TSC22D2: variants seen among roughly 807,000 people sequenced by gnomAD.
TSC22D2 encodes TSC22 domain family member 2.
TSC22D2 carries 5 observed loss-of-function variants against 50.1 expected under a neutral mutation model. The observed-to-expected ratio is 0.10, with a 90% CI of 0.05 to 0.21. TSC22D2 has a LOEUF of 0.21. Ranked by LOEUF, TSC22D2 falls within the 10% of genes least tolerant of loss-of-function variation. TSC22D2 has a pLI of 1.00. For synonymous variants in TSC22D2, 501 were observed against 450.1 expected (o/e 1.11, Z -1.43); for missense variants, 1,003 against 1,015.5 (o/e 0.99, Z 0.17).
chr3:150,452,396 G>A (rs1280719845), intron 1 of TSC22D2, among the ~76,000 whole-genome samples: 2 of 151,780 alleles, frequency 1.3e-5, no homozygotes, highest in Non-Finnish European at 2.9e-5. Context: ...GGTGAGCTGA[G>A]ATCGCGCCAT....
At position 150,409,561 on chromosome 3, in the gene TSC22D2, A is replaced by T. The variant is rs1245099801; in HGVS notation, c.211A>T (p.Thr71Ser). 1 of 1,600,936 alleles carries T rather than the reference A, an allele frequency of 6.2e-7. No homozygotes were observed. The highest frequency in any genetic ancestry group is 2.3e-5 in the East Asian group (1 of 44,400). The change falls in exon 1 of 3, where the codon ACG becomes TCG. Residue 71 changes from threonine to serine, a missense_variant. By Grantham distance (58) the Thr-to-Ser change is moderately conservative (BLOSUM62 1). This residue lies in a region of TSC22D2 where 200 missense variants were observed against 182.8 expected (regional missense o/e 1.09). Coordinates refer to ENST00000688009, the MANE Select transcript of TSC22D2 (RefSeq NM_001303264.2). This position sits in a 1 kb window ranked among gnomAD's most constrained non-coding sequence, Gnocchi z 7.4. Reference protein sequence around the residue: ...EVCERSSSEETLNNVGDAETP... With the variant: ...EVCERSSSEESLNNVGDAETP... ...CTGCGAGCGCAGCTCTTCCGAAGAG[A>T]CGCTTAACAATGTTGGGGATGCGGA...
At chr3:150,417,407 C>G (rs1310431124) in intron 1 of TSC22D2, among the ~76,000 whole-genome samples, 1 of 152,082 alleles carries the variant, frequency 6.6e-6, no homozygotes, top group African/African-American at 2.4e-5. Flanking sequence ...GGCATACCGT[C>G]TACCTAGTCT....
At chr3:150,425,613 A>G (rs544998935) in intron 1 of TSC22D2, among the ~76,000 whole-genome samples, 25 of 152,302 alleles carry the variant, frequency 1.6e-4, no homozygotes, top group African/African-American at 5.3e-4. Context: ...TTGTCTCGCT[A>G]TTACTAGATA....
At chr3:150,458,250 A>G (rs1158317922) in intron 2 of TSC22D2, 126 bp from the exon 3 acceptor site, 1 of 1,010,442 alleles carries the variant, frequency 9.9e-7, no homozygotes, top group Non-Finnish European at 1.4e-6. Flanking sequence ...GGTCAAGATA[A>G]AGCAGAAACA....
intron 1 of TSC22D2, among the ~76,000 whole-genome samples, chr3:150,424,645 T>C (rs768720906): frequency 6.6e-6 from 1 of 152,196 alleles, no homozygotes; most frequent in Non-Finnish European, 1.5e-5. Flanking sequence ...CCTGAAACTT[T>C]TAAGGTATCA....
intron 1 of TSC22D2, among the ~76,000 whole-genome samples, chr3:150,454,030 T>G (rs1248852462): frequency 2.0e-5 from 3 of 152,208 alleles, no homozygotes; most frequent in Non-Finnish European, 2.9e-5. Flanking sequence ...AAAGGTTAAA[T>G]AATTTCCCAG....
intron 1 of TSC22D2, among the ~76,000 whole-genome samples, chr3:150,435,205 C>T (rs1219019983): frequency 1.3e-5 from 2 of 152,070 alleles, no homozygotes; most frequent in Admixed American, 6.6e-5. Flanking sequence ...TCTTGAACTC[C>T]TGACCTCAGG....
chr3:150,417,067 C>T (rs888959545), intron 1 of TSC22D2, among the ~76,000 whole-genome samples: 2 of 152,016 alleles, frequency 1.3e-5, no homozygotes, highest in African/African-American at 2.4e-5. Flanking sequence ...GGGACATATA[C>T]CTATTATTAG....
intron 1 of TSC22D2, among the ~76,000 whole-genome samples, chr3:150,415,687 C>T (rs78390383): frequency 0.039 from 5,940 of 152,134 alleles, 143 homozygotes; most frequent in Middle Eastern, 0.075. Flanking sequence ...TGGAGGCCAA[C>T]ACCTATAGTC....
At chr3:150,429,251 G>C (rs1385557837) in intron 1 of TSC22D2, among the ~76,000 whole-genome samples, 3 of 152,216 alleles carry the variant, frequency 2.0e-5, no homozygotes, top group Middle Eastern at 3.4e-3. Flanking sequence ...AATTGCCATA[G>C]GAGTGGTGGT....
In TSC22D2 at chr3:150,460,678, T is replaced by C. The variant is rs953443261; in HGVS notation, c.*2042T>C. Reference sequence around the variant, plus strand: ...GCTACAGGTGAGATACTTAATGGAATGTGAAACTTCACTGTTGGACTGTTA... The same window carrying C: ...GCTACAGGTGAGATACTTAATGGAACGTGAAACTTCACTGTTGGACTGTTA... On this transcript the variant is annotated 3_prime_UTR_variant, in exon 3 of 3. Transcript: ENST00000688009. 6.6e-6 allele frequency: 1 copy of C among 152,180 alleles called. No individual in the cohort carries two copies. The highest frequency in any genetic ancestry group is 2.4e-5 in the African/African-American group (1 of 41,454). 9.4% of individuals were successfully genotyped at this position (152,180 alleles called of 1,614,324 possible).
chr3:150,411,102 C>T lies in TSC22D2; in HGVS notation c.1752C>T (p.Thr584=). 1 of 1,614,156 alleles carries T rather than the reference C, an allele frequency of 6.2e-7. No individual in the cohort carries two copies. The highest frequency in any genetic ancestry group is 8.5e-7 in the Non-Finnish European group (1 of 1,180,022). The change falls in exon 1 of 3, where the codon ACC becomes ACT. Residue 584 remains threonine (T), a synonymous_variant. Transcript: ENST00000688009. The part of the protein sequence containing the change: ...QSDLSQFQTQ[T]QPLVGQVDDT... ...ACCTAAGCCAGTTTCAAACTCAGAC[C>T]CAGCCTTTAGTCGGGCAAGTCGACG...
At chr3:150,445,994 T>C (rs1312626975) in intron 1 of TSC22D2, among the ~76,000 whole-genome samples, 2 of 150,114 alleles carry the variant, frequency 1.3e-5, no homozygotes, top group Non-Finnish European at 2.9e-5. Context: ...CTCGGGAGGC[T>C]GAGGCAGGAG....
At chr3:150,455,254 GCA>G (rs1333585014) in intron 1 of TSC22D2, among the ~76,000 whole-genome samples, 1 of 152,090 alleles carries the variant, frequency 6.6e-6, no homozygotes. Flanking sequence ...ATGGTATCTG[GCA>G]CTGAAGTATA....
At chr3:150,434,975 T>TTTTA (rs1053012469) in intron 1 of TSC22D2, among the ~76,000 whole-genome samples, 4 of 152,042 alleles carry the variant, frequency 2.6e-5, no homozygotes, top group Admixed American at 6.6e-5. Context: ...ATATGTGTCT[T>TTTTA]TTTATTTATT....
intron 1 of TSC22D2, among the ~76,000 whole-genome samples, chr3:150,425,597 A>G (rs1720154368): frequency 6.6e-6 from 1 of 152,182 alleles, no homozygotes; most frequent in Non-Finnish European, 1.5e-5. Context: ...ATTTTGAGGC[A>G]TAAATTTGTC....
intron 1 of TSC22D2, among the ~76,000 whole-genome samples, chr3:150,424,384 AAATGT>A (rs1217824020): frequency 1.3e-5 from 2 of 152,202 alleles, no homozygotes; most frequent in African/African-American, 4.8e-5. Context: ...CTCTGTTTAG[AAATGT>A]AATAAGAGTA....
intron 1 of TSC22D2, among the ~76,000 whole-genome samples, chr3:150,442,934 A>G (rs538238297): frequency 1.3e-5 from 2 of 152,324 alleles, no homozygotes; most frequent in Non-Finnish European, 2.9e-5. Flanking sequence ...CAGCAAGACT[A>G]TGTGTTATAA....
rs975595478 is a variant in TSC22D2, at chr3:150,464,101, C to T, written c.*5465C>T. On this transcript the variant is annotated 3_prime_UTR_variant, in exon 3 of 3. Transcript: ENST00000688009. ...AAACAAGGCAAATGCCACAGTTCAA[C>T]TTCTCCATAAAAAAGTTAAGTTCAT... 1 of 152,206 alleles carries T rather than the reference C, an allele frequency of 6.6e-6. No individual in the cohort carries two copies. The highest frequency in any genetic ancestry group is 1.5e-5 in the Non-Finnish European group (1 of 68,052). The allele number at this position is 152,206 out of a possible 1,614,324, so 9.4% of individuals were successfully genotyped here. A position where few individuals can be genotyped will look rare whatever the true frequency, so the allele number is the denominator to read the frequency against.
Sources: allele counts gnomAD v4.1 joint callset (sites outside exome capture counted in the v4.1 genomes callset), GRCh38; gene constraint gnomAD v4.1.1; regional missense constraint gnomAD v4.1.1; non-coding constraint Gnocchi (gnomAD v3.1); transcripts MANE v1.5; gene names NCBI Gene and HGNC (gene_info 2026-07-23, HGNC 2026-07-21).